USP35: variants seen among roughly 807,000 people sequenced by gnomAD.
USP35 encodes the protein ubiquitin specific peptidase 35.
In USP35, 69 loss-of-function variants were observed where a neutral mutation model predicts 83.8. The ratio of observed to expected loss-of-function variants is 0.82; its 90% confidence interval spans 0.68 to 1.01. USP35 has a LOEUF of 1.01. USP35 is among the 50% of genes least tolerant of loss of function. The pLI, the probability that USP35 is intolerant of heterozygous loss-of-function variation, is 0.00. For synonymous variants in USP35, 714 were observed against 589.5 expected (o/e 1.21, Z -3.06); for missense variants, 1,503 against 1,362.5 (o/e 1.10, Z -1.62).
chr11:78,216,621 A>AG (rs1029808217), downstream of USP35: 1 of 152,204 alleles, frequency 6.6e-6, no homozygotes, highest in African/African-American at 2.4e-5. Flanking sequence ...TTACCAGAAT[A>AG]GGGGGCTGGA....
At chr11:78,199,279 G>A (rs1359211618) in intron 3 of USP35, 4 of 329,240 alleles carry the variant, frequency 1.2e-5, no homozygotes, top group South Asian at 3.6e-5. Context: ...TGGCCCAGGG[G>A]CAGTGCCCTT....
chr11:78,205,832 C>T lies in USP35; in HGVS notation c.1198-10C>T. The T allele has an allele frequency of 6.2e-7, 1 of 1,602,946 alleles. No homozygotes were observed. The highest frequency in any genetic ancestry group is 8.5e-7 in the Non-Finnish European group (1 of 1,171,940). On this transcript the variant is annotated splice_polypyrimidine_tract_variant and intron_variant, in intron 6 of 10. Transcript: ENST00000529308. ...CCACCATCCTGCCTGCCTGCTTATT[C>T]CCTCCTCAGGACCTCCATGTTCCCA... is the stretch of plus-strand genomic sequence containing the variant.
chr11:78,188,954 G>T lies in USP35; in HGVS notation c.-214G>T. On this transcript the variant is annotated 5_prime_UTR_variant, in exon 1 of 11. Coordinates refer to ENST00000529308, the MANE Select transcript of USP35 (RefSeq NM_020798.4). ...CCGCGCCGCAGAGTCGGGCTTCCTG[G>T]ATACATAGAGGCTTGTGCCAGGCGG... 1 of 985,648 alleles carries T rather than the reference G, an allele frequency of 1.0e-6. No homozygotes were observed. Among genetic ancestry groups the T allele is most frequent in the Non-Finnish European group, 1.2e-6 (1 of 830,086 alleles). The allele number at this position is 985,648 out of a possible 1,614,324, so 61.1% of individuals were successfully genotyped here.
intron 10 of USP35, 113 bp from the exon 11 acceptor site, chr11:78,213,533 G>C: frequency 8.0e-7 from 1 of 1,246,554 alleles, no homozygotes; most frequent in Non-Finnish European, 1.0e-6. Context: ...GTCTCTGTGT[G>C]TCCAGGCCCT....
At chr11:78,204,468 A>G (rs1863474724) in intron 6 of USP35, among the ~76,000 whole-genome samples, 2 of 152,176 alleles carry the variant, frequency 1.3e-5, no homozygotes, top group South Asian at 2.1e-4. Flanking sequence ...AGTTTCTAGT[A>G]ACATTATTAG....
chr11:78,196,407 G>A lies in USP35; in HGVS notation c.162G>A (p.Glu54=), dbSNP rs777287796. The A allele has an allele frequency of 3.0e-6, 4 of 1,337,210 alleles. No homozygotes were observed. Among genetic ancestry groups the A allele is most frequent in the African/African-American group, 3.1e-5 (2 of 64,158 alleles). 82.8% of individuals were successfully genotyped at this position (1,337,210 alleles called of 1,614,324 possible). A position where few individuals can be genotyped will look rare whatever the true frequency, so the allele number is the denominator to read the frequency against. ...LGARLYVGGA[E]ELPRRVGCQL... ...CGCGCCTCTACGTGGGCGGCGCGGAGGAGCTGCCGCGCCGCGTGGGCTGCC... is the reference window on the plus strand; with the variant it reads ...CGCGCCTCTACGTGGGCGGCGCGGAAGAGCTGCCGCGCCGCGTGGGCTGCC... Residue 54 remains glutamate (E), a synonymous_variant, in exon 2 of 11, where the codon GAG becomes GAA. Coordinates refer to ENST00000529308, the MANE Select transcript of USP35 (RefSeq NM_020798.4). This position sits in a 1 kb window ranked among gnomAD's most constrained non-coding sequence, Gnocchi z 4.8.
the USP35 span, among the ~76,000 whole-genome samples, chr11:78,233,652 G>A: frequency 6.6e-6 from 1 of 152,112 alleles, no homozygotes; most frequent in Non-Finnish European, 1.5e-5. Context: ...TGTCGCCCAA[G>A]CTAGAGTGCA....
intron 6 of USP35, among the ~76,000 whole-genome samples, chr11:78,202,831 G>C (rs1863397641): frequency 6.6e-6 from 1 of 152,182 alleles, no homozygotes; most frequent in South Asian, 2.1e-4. Context: ...AGGAAAGCTT[G>C]GAGATTCTGT....
chr11:78,209,656 C>T lies in USP35; in HGVS notation c.1801C>T (p.Pro601Ser). 1 of 1,614,074 alleles carries T rather than the reference C, an allele frequency of 6.2e-7. No individual in the cohort carries two copies. The highest frequency in any genetic ancestry group is 8.5e-7 in the Non-Finnish European group (1 of 1,179,968). The part of the protein sequence containing the change: ...EAFTDLSLAF[P>S]PPERCRRRRL... ...CTTCACGGACCTCTCTCTCGCCTTC[C>T]CTCCTCCTGAGCGCTGTCGCCGCCG... is the stretch of plus-strand genomic sequence containing the variant. Residue 601 changes from proline (P) to serine (S), a missense_variant, in exon 10 of 11, where the codon CCT becomes TCT. Pro to Ser is a moderately conservative substitution (Grantham distance 74). Transcript: ENST00000529308.
Position 78,196,163 on chromosome 11 carries a change from A to G in USP35, c.-10-73A>G. ...TGAGTTGCTTGCCCTAAGTCTCAGC[A>G]CTCGGGGACTGCACCGGGAACTCTT... On this transcript the variant is annotated intron_variant, in intron 1 of 10. Coordinates refer to ENST00000529308, the MANE Select transcript of USP35 (RefSeq NM_020798.4). This position sits in a 1 kb window ranked among gnomAD's most constrained non-coding sequence, Gnocchi z 4.8. The G allele has an allele frequency of 6.8e-7, 1 of 1,478,638 alleles. No homozygotes were observed. Among genetic ancestry groups the G allele is most frequent in the Non-Finnish European group, 8.9e-7 (1 of 1,124,788 alleles). 91.6% of individuals were successfully genotyped at this position (1,478,638 alleles called of 1,614,324 possible).
chr11:78,206,502 C>T (rs915593517), intron 7 of USP35, among the ~76,000 whole-genome samples: 4 of 152,146 alleles, frequency 2.6e-5, no homozygotes, highest in East Asian at 1.9e-4. Flanking sequence ...TCTGGCTTAT[C>T]GTATGTCCTC....
chr11:78,210,195 C>T lies in USP35; in HGVS notation c.2340C>T (p.Tyr780=). 5 of 1,614,068 alleles carry T rather than the reference C, an allele frequency of 3.1e-6. No individual in the cohort carries two copies. The highest frequency in any genetic ancestry group is 2.7e-5 in the African/African-American group (2 of 75,050). The stretch of plus-strand genomic sequence containing the variant: ...AGAAGCTGACAGCAGAAAACCGCTA[C>T]TACTGCGAGTCGTGTGCCTCCCTGC... ...SPEKLTAENR[Y]YCESCASLQD... is the part of the protein sequence containing the mutation. Residue 780 remains tyrosine (Y), a synonymous_variant, in exon 10 of 11, where the codon TAC becomes TAT. Coordinates refer to ENST00000529308, the MANE Select transcript of USP35 (RefSeq NM_020798.4).
chr11:78,232,401 G>A, the USP35 span, among the ~76,000 whole-genome samples: 2 of 152,148 alleles, frequency 1.3e-5, no homozygotes, highest in Admixed American at 6.5e-5. Context: ...GACAGACACT[G>A]GCTAGAATCT....
chr11:78,208,792 T>TG lies in USP35; in HGVS notation c.1486-64dup, dbSNP rs1164982258. 9 of 1,566,490 alleles carry TG rather than the reference T, an allele frequency of 5.7e-6. No homozygotes were observed. In the Admixed American group the frequency reaches 1.5e-4, roughly 26 times the overall value. The stretch of plus-strand genomic sequence containing the variant: ...ATGAGGTAGACCCTCAGGCCTAACC[T>TG]GTGCAGAGCTGGCTGGTGAGTGGCC... On this transcript the variant is annotated intron_variant, in intron 8 of 10. Transcript: ENST00000529308.
chr11:78,222,322 C>T, the USP35 span: 1 of 669,090 alleles, frequency 1.5e-6, no homozygotes, highest in Non-Finnish European at 2.7e-6. Context: ...CACAGGGAAA[C>T]TGACGCTCAG....
At chr11:78,200,267 CCCCTGCCTGCTGCCCCTGGTAAGGG>C (rs1565396781) in intron 5 of USP35, 33 bp downstream of exon 5, 7 of 1,602,762 alleles carry the variant, frequency 4.4e-6, no homozygotes, top group East Asian at 2.2e-5. Flanking sequence ...CCTGGTGAGG[CCCCTGCCTGCTGCCCCTGGTAAGGG>C]CCCTGCCTAC....
rs140642860 is a variant in USP35 at position 78,213,969 on chromosome 11, T to C, written c.*156T>C. On this transcript the variant is annotated 3_prime_UTR_variant, in exon 11 of 11. Transcript: ENST00000529308. ...GGGTACACAGAGATTCTCTCAGATA[T>C]GGAAGTAAGACCTAAGTCCCTTTCA... 6.8e-5 allele frequency: 54 copies of C among 795,600 alleles called. No individual in the cohort carries two copies. The East Asian group carries it at 1.6e-3, about 24-fold the overall frequency. The allele number at this position is 795,600 out of a possible 1,614,324, so 49.3% of individuals were successfully genotyped here. A position where few individuals can be genotyped will look rare whatever the true frequency, so the allele number is the denominator to read the frequency against.
rs115156720 is a variant in USP35 at position 78,203,517 on chromosome 11, A to G, written c.1198-2325A>G. On this transcript the variant is annotated intron_variant, in intron 6 of 10. Transcript: ENST00000529308. ...GAGCTCTGAGTTTGTCTACAACCTC[A>G]CTTTATCTCAAAGACTCAAGTATGT... Among the ~76,000 whole-genome samples the G allele has an allele frequency of 1.8e-3, 273 of 152,310 alleles. 2 individuals are homozygous for G. The highest frequency in any genetic ancestry group is 6.8e-3 in the Middle Eastern group (2 of 294).
Position 78,210,035 on chromosome 11 carries a change from C to G in USP35, c.2180C>G (p.Ala727Gly). ...EKVEKETEKE[A>G]EQEKEEDSLG... ...GTGGAGAAGGAGACAGAAAAGGAGGCTGAGCAGGAAAAGGAAGAAGACAGC... is the reference window on the plus strand; with the variant it reads ...GTGGAGAAGGAGACAGAAAAGGAGGGTGAGCAGGAAAAGGAAGAAGACAGC... Residue 727 changes from alanine (A) to glycine (G), a missense_variant, in exon 10 of 11, where the codon GCT becomes GGT. By Grantham distance (60) the Ala-to-Gly change is moderately conservative. Transcript: ENST00000529308. The G allele has an allele frequency of 6.2e-7, 1 of 1,613,746 alleles. No homozygotes were observed. The highest frequency in any genetic ancestry group is 8.5e-7 in the Non-Finnish European group (1 of 1,179,854).
Sources: gnomAD v4.1 joint callset for allele counts (sites outside exome capture counted in the v4.1 genomes callset) on GRCh38, gnomAD v4.1.1 for gene constraint, Gnocchi (gnomAD v3.1) non-coding constraint, MANE v1.5 for transcripts, NCBI Gene and HGNC (gene_info 2026-07-23, HGNC 2026-07-21) for gene names.